REPS1: variants seen among roughly 807,000 people sequenced by gnomAD.
REPS1 encodes ralBP1-associated Eps domain-containing protein 1.
In REPS1, 39 loss-of-function variants were observed where a neutral mutation model predicts 100.9. The ratio of observed to expected loss-of-function variants is 0.39; its 90% confidence interval spans 0.30 to 0.50. The LOEUF is 0.50. REPS1 is among the 20% of genes least tolerant of loss of function. The pLI, the probability that REPS1 is intolerant of heterozygous loss-of-function variation, is 0.86. For synonymous variants in REPS1, 324 were observed against 340.3 expected, an observed-to-expected ratio of 0.95 and a Z score of 0.53; for missense variants, 821 against 968.5, an observed-to-expected ratio of 0.85 and a Z score of 2.02.
intron 9 of REPS1, 185 bp from the exon 10 acceptor site, chr6:138,926,666 A>C: frequency 1.8e-6 from 1 of 560,026 alleles, no homozygotes. Context: ...TTGTAATGTA[A>C]GGTGAGGAGT....
At chr6:138,953,508 A>T (rs1416457059) in intron 1 of REPS1, among the ~76,000 whole-genome samples, 3 of 152,148 alleles carry the variant, frequency 2.0e-5, no homozygotes, top group Non-Finnish European at 4.4e-5. Flanking sequence ...AAAACAAAAC[A>T]AAACAAAACT....
intron 8 of REPS1, among the ~76,000 whole-genome samples, chr6:138,938,570 T>C (rs183555757): frequency 6.6e-6 from 1 of 152,322 alleles, no homozygotes; most frequent in East Asian, 1.9e-4. Context: ...TTGTATGTTT[T>C]GAGCATACTA....
chr6:138,953,298 A>G lies in REPS1; in HGVS notation c.154-5385T>C, dbSNP rs571233270. ...ATCAGTGTGGACAAATATTTTATAA[A>G]TAAGATCTCAAAAGCATAGGCAACA... On this transcript the variant is annotated intron_variant, in intron 1 of 19. Coordinates refer to ENST00000450536, the MANE Select transcript of REPS1 (RefSeq NM_001286611.2). Among the ~76,000 whole-genome samples the G allele has an allele frequency of 6.0e-3, 907 of 152,262 alleles. 8 individuals carry two copies. The highest frequency in any genetic ancestry group is 0.021 in the African/African-American group (866 of 41,548).
rs371099909 is a variant in REPS1, at chr6:138,903,989, A to C, written c.*1075T>G. ...AAATCTTCTATTTCTTAAAACTTTA[A>C]ATCTTGTTAAAAAGATGAACAAAAG... On this transcript the variant is annotated 3_prime_UTR_variant, in exon 20 of 20. Transcript: ENST00000450536. 92 of 152,284 alleles carry C rather than the reference A, an allele frequency of 6.0e-4. No homozygotes were observed. Among genetic ancestry groups the C allele is most frequent in the African/African-American group, 2.2e-3 (91 of 41,562 alleles). 9.4% of individuals were successfully genotyped at this position (152,284 alleles called of 1,614,324 possible). A position where few individuals can be genotyped will look rare whatever the true frequency, so the allele number is the denominator to read the frequency against.
intron 1 of REPS1, among the ~76,000 whole-genome samples, chr6:138,967,607 T>C (rs1784093747): frequency 6.6e-6 from 1 of 152,168 alleles, no homozygotes; most frequent in Non-Finnish European, 1.5e-5. Context: ...CTGAAGACTT[T>C]CTTATTCTCC....
At chr6:138,970,075 G>T (rs1784255030) in intron 1 of REPS1, among the ~76,000 whole-genome samples, 1 of 152,002 alleles carries the variant, frequency 6.6e-6, no homozygotes, top group Admixed American at 6.6e-5. Flanking sequence ...CTGAAGAGTA[G>T]CATATAATTT....
At chr6:138,967,221 C>G (rs897726871) in intron 1 of REPS1, among the ~76,000 whole-genome samples, 55 of 152,218 alleles carry the variant, frequency 3.6e-4, no homozygotes, top group African/African-American at 1.1e-3. Context: ...GCCCCCAGAA[C>G]TGTAAGAAAT....
At position 138,979,191 on chromosome 6, in the gene REPS1, A is replaced by C. The variant is rs563102182; in HGVS notation, c.153+8339T>G. Among the ~76,000 whole-genome samples the C allele has an allele frequency of 1.6e-3, 234 of 148,034 alleles. 1 individual carries two copies. The Middle Eastern group carries it at 0.035, about 22-fold the overall frequency. On this transcript the variant is annotated intron_variant, in intron 1 of 19. Transcript: ENST00000450536. ...GCGAGAATCCATCACAAAAAAAAAA[A>C]AAAAAACAAAAAAAAAAAACTGAAG... is the stretch of plus-strand genomic sequence containing the variant.
At chr6:138,913,809 G>C (rs546944760) in intron 15 of REPS1, among the ~76,000 whole-genome samples, 2 of 152,230 alleles carry the variant, frequency 1.3e-5, no homozygotes, top group African/African-American at 4.8e-5. Context: ...AACCTCCATC[G>C]CTTTGTGGAT....
chr6:138,926,668 G>A (rs1781146144), intron 9 of REPS1, 187 bp from the exon 10 acceptor site: 1 of 557,390 alleles, frequency 1.8e-6, no homozygotes, highest in Non-Finnish European at 3.2e-6. Context: ...GTAATGTAAG[G>A]TGAGGAGTTC....
At chr6:138,925,352 G>A (rs1278304267) in intron 10 of REPS1, among the ~76,000 whole-genome samples, 1 of 152,152 alleles carries the variant, frequency 6.6e-6, no homozygotes, top group Non-Finnish European at 1.5e-5. Context: ...GGGCGAAAGA[G>A]AGAGGCTCCA....
chr6:138,926,484 G>A lies in REPS1; in HGVS notation c.1258-3C>T. Reference sequence around the variant, plus strand: ...CGTTCACTAAATGTCTCCCACTGCTGAACAGACAGAGGAGAGACAAGTCAG... The same window carrying A: ...CGTTCACTAAATGTCTCCCACTGCTAAACAGACAGAGGAGAGACAAGTCAG... On this transcript the variant is annotated splice_polypyrimidine_tract_variant and splice_region_variant and intron_variant, in intron 9 of 19. Transcript: ENST00000450536. The A allele has an allele frequency of 1.2e-6, 2 of 1,602,480 alleles. No individual in the cohort carries two copies. Among genetic ancestry groups the A allele is most frequent in the Non-Finnish European group, 8.5e-7 (1 of 1,170,622 alleles).
chr6:138,944,157 G>A (rs529326296), intron 5 of REPS1, 142 bp from the exon 6 acceptor site: 1 of 743,688 alleles, frequency 1.3e-6, no homozygotes, highest in African/African-American at 1.8e-5. Flanking sequence ...GTTACAGTCA[G>A]ATTATTGGAT....
At chr6:138,956,364 C>T (rs557088313) in intron 1 of REPS1, among the ~76,000 whole-genome samples, 1 of 151,848 alleles carries the variant, frequency 6.6e-6, no homozygotes, top group African/African-American at 2.4e-5. Context: ...AGAGACTCAC[C>T]CAGAAATGCT....
At chr6:138,939,847 G>A (rs1239472700) in intron 8 of REPS1, among the ~76,000 whole-genome samples, 2 of 149,848 alleles carry the variant, frequency 1.3e-5, no homozygotes, top group Non-Finnish European at 2.9e-5. Flanking sequence ...CAAGTCAGAG[G>A]CTGACGCTTC....
intron 10 of REPS1, among the ~76,000 whole-genome samples, chr6:138,922,206 T>C (rs1168990950): frequency 1.3e-5 from 2 of 152,146 alleles, no homozygotes; most frequent in African/African-American, 2.4e-5. Context: ...CTTTAACCTA[T>C]AAAACAAAGT....
At position 138,987,615 on chromosome 6, in the gene REPS1, A is replaced by G. The variant is rs545179810; in HGVS notation, c.68T>C (p.Ile23Thr). The change falls in exon 1 of 20, where the codon ATT becomes ACT. Residue 23 changes from isoleucine (I) to threonine (T), a missense_variant. Ile to Thr is a moderately conservative substitution (Grantham distance 89). This residue lies in a region of REPS1 where 36 missense variants were observed against 36.7 expected (regional missense o/e 0.98). Coordinates refer to ENST00000450536, the MANE Select transcript of REPS1 (RefSeq NM_001286611.2). ...GACCACCACCTTCTTGGTGCTCTCA[A>G]TGTCGCAGTAGGAGAAGAGATCTGA... ...YYSDLFSYCD[I>T]ESTKKVVVNG... 33 of 1,550,964 alleles carry G rather than the reference A, an allele frequency of 2.1e-5. No homozygotes were observed. In the South Asian group the frequency reaches 3.2e-4, roughly 15 times the overall value.
intron 1 of REPS1, among the ~76,000 whole-genome samples, chr6:138,949,891 T>C (rs1782903881): frequency 6.6e-6 from 1 of 152,152 alleles, no homozygotes; most frequent in Non-Finnish European, 1.5e-5. Context: ...ATGCAGCAGA[T>C]GGAGCTGATG....
Position 138,943,512 on chromosome 6 carries a change from C to A in REPS1, c.980+1G>T. The A allele has an allele frequency of 6.4e-7, 1 of 1,571,014 alleles. No homozygotes were observed. Among genetic ancestry groups the A allele is most frequent in the Non-Finnish European group, 8.7e-7 (1 of 1,142,888 alleles). On this transcript the variant is annotated splice_donor_variant, in intron 7 of 19. Transcript: ENST00000450536. LOFTEE classifies it high-confidence loss of function. ...CCCAACTAATGATATACCACACTTA[C>A]CAAATATGAGAAAGTTCAAGAATAG...
Sources: allele counts gnomAD v4.1 joint callset (sites outside exome capture counted in the v4.1 genomes callset), GRCh38; gene constraint gnomAD v4.1.1; regional missense constraint gnomAD v4.1.1; transcripts MANE v1.5; gene names NCBI Gene and HGNC (gene_info 2026-07-23, HGNC 2026-07-21).